TUSC3: variants seen among roughly 807,000 people sequenced by gnomAD.
The protein encoded by TUSC3 is tumor suppressor candidate 3.
Under a neutral mutation model 44.8 loss-of-function variants are expected in TUSC3, and 45 were observed. The ratio of observed to expected loss-of-function variants is 1.00; its 90% CI spans 0.79 to 1.29. The LOEUF (loss-of-function observed/expected upper bound fraction) is 1.29, where lower values mean the gene tolerates loss of function less well. TUSC3 is among the 50% of genes most tolerant of loss of function. The pLI, the probability that TUSC3 is intolerant of heterozygous loss-of-function variation, is 0.00. For synonymous variants in TUSC3, 212 were observed against 152.9 expected (o/e 1.39, Z -2.85); for missense variants, 519 against 437.9 (o/e 1.19, Z -1.65).
At chr8:15,849,002 T>A in the TUSC3 span, among the ~76,000 whole-genome samples, 1 of 152,190 alleles carries the variant, frequency 6.6e-6, no homozygotes, top group African/African-American at 2.4e-5. Context: ...TATTTCTATA[T>A]CCCTCACATG....
chr8:15,779,786 A>C, the TUSC3 span, among the ~76,000 whole-genome samples: 3 of 152,204 alleles, frequency 2.0e-5, no homozygotes, highest in African/African-American at 7.2e-5. Flanking sequence ...AGATTCCTAG[A>C]GGAAACTCAA....
chr8:15,452,835 A>G (rs1342491961), intron 1 of TUSC3, among the ~76,000 whole-genome samples: 1 of 152,190 alleles, frequency 6.6e-6, no homozygotes, highest in Non-Finnish European at 1.5e-5. Context: ...GTTTCCTTAC[A>G]GTAAGCTCCT....
chr8:15,540,272 C>G lies in TUSC3; in HGVS notation c.-159C>G. The G allele has an allele frequency of 9.6e-7, 1 of 1,047,060 alleles. No homozygotes were observed. Among genetic ancestry groups the G allele is most frequent in the Non-Finnish European group, 1.3e-6 (1 of 785,568 alleles). 64.9% of individuals were successfully genotyped at this position (1,047,060 alleles called of 1,614,324 possible). A position where few individuals can be genotyped will look rare whatever the true frequency, so the allele number is the denominator to read the frequency against. Reference sequence around the variant, plus strand: ...AACCGGATGCTCTGTCAGTCTCCTCCTCTGCGTCCTCGGCCGCGGCCCGGG... The same window carrying G: ...AACCGGATGCTCTGTCAGTCTCCTCGTCTGCGTCCTCGGCCGCGGCCCGGG... On this transcript the variant is annotated 5_prime_UTR_variant, in exon 1 of 11. Coordinates refer to ENST00000503731, the MANE Select transcript of TUSC3 (RefSeq NM_006765.4).
chr8:15,563,229 A>G (rs1563291305), intron 1 of TUSC3, among the ~76,000 whole-genome samples: 1 of 152,060 alleles, frequency 6.6e-6, no homozygotes, highest in South Asian at 2.1e-4. Context: ...AAATAACTTC[A>G]TGTGTGTCAG....
At chr8:15,739,829 T>G (rs1460175398) in intron 7 of TUSC3, among the ~76,000 whole-genome samples, 3 of 152,220 alleles carry the variant, frequency 2.0e-5, no homozygotes, top group African/African-American at 4.8e-5. Flanking sequence ...CTTACTTCAT[T>G]ACTTTTGTGC....
At chr8:15,424,286 C>T (rs1017883999) in intron 1 of TUSC3, among the ~76,000 whole-genome samples, 1 of 151,842 alleles carries the variant, frequency 6.6e-6, no homozygotes, top group African/African-American at 2.4e-5. Flanking sequence ...GAAGGTGGTC[C>T]CTGGCTGTCT....
At chr8:15,632,886 A>G (rs1406685071) in intron 2 of TUSC3, among the ~76,000 whole-genome samples, 1 of 152,076 alleles carries the variant, frequency 6.6e-6, no homozygotes. Flanking sequence ...CCTTTAGTCT[A>G]CTTTCTGGTA....
downstream of TUSC3, among the ~76,000 whole-genome samples, chr8:15,769,744 A>G (rs1044452459): frequency 1.3e-5 from 2 of 152,198 alleles, no homozygotes; most frequent in African/African-American, 4.8e-5. Context: ...AAACCCCATC[A>G]AAAAGTGGGC....
chr8:15,687,216 A>G (rs1396707275), intron 6 of TUSC3, among the ~76,000 whole-genome samples: 3 of 152,106 alleles, frequency 2.0e-5, no homozygotes, highest in Admixed American at 2.0e-4. Flanking sequence ...TGATTAACAT[A>G]TTTGTTAGGT....
At chr8:15,492,923 T>C (rs1003431517) in intron 2 of TUSC3, among the ~76,000 whole-genome samples, 2 of 152,014 alleles carry the variant, frequency 1.3e-5, no homozygotes, top group African/African-American at 4.8e-5. Flanking sequence ...TCCTAAAACA[T>C]CATGAAAAAA....
At chr8:15,455,735 C>T (rs980909520) in intron 1 of TUSC3, among the ~76,000 whole-genome samples, 1 of 152,190 alleles carries the variant, frequency 6.6e-6, no homozygotes, top group Non-Finnish European at 1.5e-5. Flanking sequence ...TTTTGGCCTT[C>T]AAGCTGCCCT....
At chr8:15,735,836 A>T (rs530007144) in intron 7 of TUSC3, among the ~76,000 whole-genome samples, 10 of 151,292 alleles carry the variant, frequency 6.6e-5, no homozygotes, top group African/African-American at 1.9e-4. Context: ...AGTAGCTGGG[A>T]CTACAGGTGC....
intron 4 of TUSC3, among the ~76,000 whole-genome samples, chr8:15,661,899 A>G (rs1585204588): frequency 6.6e-6 from 1 of 152,180 alleles, no homozygotes; most frequent in East Asian, 1.9e-4. Context: ...CATGGAAAAT[A>G]TAAAAATAGC....
intron 2 of TUSC3, among the ~76,000 whole-genome samples, chr8:15,629,554 T>G (rs1554463556): frequency 1.2e-3 from 40 of 33,328 alleles, no homozygotes; most frequent in African/African-American, 3.9e-3. Flanking sequence ...GGCCATCTTG[T>G]TTTTTTTTTT....
chr8:15,622,053 A>T (rs541738952), intron 1 of TUSC3, among the ~76,000 whole-genome samples: 4 of 152,230 alleles, frequency 2.6e-5, no homozygotes, highest in African/African-American at 9.6e-5. Context: ...TCTGTGAGCC[A>T]CTTTTCCTTT....
intron 1 of TUSC3, among the ~76,000 whole-genome samples, chr8:15,431,593 T>A (rs181038063): frequency 1.7e-3 from 257 of 149,362 alleles, no homozygotes; most frequent in South Asian, 0.017. Context: ...TAGAGGTTTC[T>A]ATATATAGGA....
chr8:15,838,404 T>C, the TUSC3 span, among the ~76,000 whole-genome samples: 3 of 152,162 alleles, frequency 2.0e-5, no homozygotes, highest in Non-Finnish European at 4.4e-5. Flanking sequence ...CCAGGATAGC[T>C]CAGTTTCCAG....
chr8:15,804,347 T>A, the TUSC3 span, among the ~76,000 whole-genome samples: 1 of 152,230 alleles, frequency 6.6e-6, no homozygotes, highest in Admixed American at 6.5e-5. Flanking sequence ...GTCCTACTTG[T>A]CAATTTTTGT....
chr8:15,714,334 A>G (rs1434943559), intron 6 of TUSC3, among the ~76,000 whole-genome samples: 4 of 152,140 alleles, frequency 2.6e-5, no homozygotes, highest in African/African-American at 9.7e-5. Flanking sequence ...TTGAACCCCA[A>G]TTTTGTTGAA....
Sources: gnomAD v4.1 joint callset for allele counts (sites outside exome capture counted in the v4.1 genomes callset) on GRCh38, gnomAD v4.1.1 for gene constraint, MANE v1.5 for transcripts, NCBI Gene and HGNC (gene_info 2026-07-23, HGNC 2026-07-21) for gene names.